The following LRRC37B variants were observed in gnomAD, a reference collection of about 807,000 sequenced individuals.
LRRC37B encodes leucine rich repeat containing 37B.
Under a neutral mutation model 98.3 loss-of-function variants are expected in LRRC37B, and 28 were observed. The observed-to-expected ratio is 0.28, with a 90% CI of 0.21 to 0.39. The LOEUF (loss-of-function observed/expected upper bound fraction) is 0.39, where lower values mean the gene tolerates loss of function less well. Ranked by LOEUF, LRRC37B falls within the 10% of genes least tolerant of loss-of-function variation. The pLI is 1.00. For synonymous variants in LRRC37B, 364 were observed against 442.7 expected (o/e 0.82, Z 2.23); for missense variants, 938 against 1,182.7 (o/e 0.79, Z 3.03).
At chr17:32,034,542 G>T (rs1299156377) in intron 5 of LRRC37B, among the ~76,000 whole-genome samples, 2 of 149,218 alleles carry the variant, frequency 1.3e-5, no homozygotes, top group African/African-American at 4.9e-5. Flanking sequence ...AATTATAGAT[G>T]AACAACTTGT....
intron 6 of LRRC37B, 130 bp from the exon 10 acceptor site, chr17:32,035,435 A>G: frequency 1.0e-6 from 1 of 983,950 alleles, no homozygotes; most frequent in Non-Finnish European, 1.5e-6. Flanking sequence ...TTTACGGCAA[A>G]TAAACTATTG....
exon 1 of LRRC37B, chr17:32,021,394 TGTC>T: frequency 6.2e-7 from 1 of 1,613,924 alleles, no homozygotes; most frequent in East Asian, 2.2e-5. Context: ...TCTTCGCAGA[TGTC>T]AGCCCTGCCT....
rs1598199542 is a variant in LRRC37B, at chr17:32,010,192, A to G, written c.-191+2060A>G. Among the ~76,000 whole-genome samples the G allele has an allele frequency of 2.0e-5, 3 of 152,306 alleles. No individual in the cohort carries two copies. The South Asian group carries it at 6.2e-4, about 32-fold the overall frequency. On this transcript the variant is annotated intron_variant, in intron 1 of 14. Transcript: ENST00000543378. ...CCAGATCTTGCCAGACTTTTTCTGT[A>G]AAAGGTCAGATAGTAAATATTCAGC...
At chr17:32,044,865 A>G (rs1911531577) in intron 7 of LRRC37B, among the ~76,000 whole-genome samples, 1 of 152,226 alleles carries the variant, frequency 6.6e-6, no homozygotes, top group Admixed American at 6.5e-5. Flanking sequence ...ACTTCAGCCT[A>G]GGTGACAGAC....
At chr17:32,031,799 T>C (rs1371967778) in intron 5 of LRRC37B, among the ~76,000 whole-genome samples, 1 of 150,788 alleles carries the variant, frequency 6.6e-6, no homozygotes, top group Non-Finnish European at 1.5e-5. Flanking sequence ...AGGTCAGGAG[T>C]TCAACACCAG....
At chr17:32,041,953 A>C in intron 7 of LRRC37B, 1 of 392,480 alleles carries the variant, frequency 2.5e-6, no homozygotes. Context: ...GCTTGGATCG[A>C]GTGTCCCTGT....
At chr17:32,027,563 G>A (rs192888054) in intron 2 of LRRC37B, among the ~76,000 whole-genome samples, 15 of 151,708 alleles carry the variant, frequency 9.9e-5, no homozygotes, top group Admixed American at 5.9e-4. Flanking sequence ...GTGTGTGTGC[G>A]CTTGCCTGTG....
intron 7 of LRRC37B, among the ~76,000 whole-genome samples, chr17:32,037,371 T>C (rs1911278204): frequency 6.6e-6 from 1 of 151,996 alleles, no homozygotes; most frequent in Non-Finnish European, 1.5e-5. Context: ...GTTCAAGTGA[T>C]TCTCCTCCCT....
exon 10 of LRRC37B, chr17:32,049,243 T>C: frequency 6.2e-7 from 1 of 1,613,194 alleles, no homozygotes; most frequent in Non-Finnish European, 8.5e-7. Context: ...TGTGCCAAGC[T>C]CATGTTGCGA....
chr17:32,013,368 G>A (rs1910579122), intron 1 of LRRC37B, among the ~76,000 whole-genome samples: 2 of 152,020 alleles, frequency 1.3e-5, no homozygotes, highest in Non-Finnish European at 2.9e-5. Flanking sequence ...TAATCTGACA[G>A]CATCTTTTAA....
chr17:32,040,953 A>G (rs1911408326), intron 7 of LRRC37B: 1 of 944,456 alleles, frequency 1.1e-6, no homozygotes, highest in South Asian at 1.3e-5. Flanking sequence ...GCAGGGCAAG[A>G]TCCCCGATGA....
At chr17:32,039,559 CTATA>C (rs1184050338) in intron 7 of LRRC37B, among the ~76,000 whole-genome samples, 2 of 85,034 alleles carry the variant, frequency 2.4e-5, no homozygotes, top group African/African-American at 9.3e-5. Flanking sequence ...TATATATATT[CTATA>C]TATATATTTC....
At chr17:32,021,478 C>T in exon 1 of LRRC37B, 2 of 1,614,158 alleles carry the variant, frequency 1.2e-6, no homozygotes, top group Non-Finnish European at 1.7e-6. Flanking sequence ...CCCCTGGGGC[C>T]AGAGCCGTTC....
upstream of LRRC37B, among the ~76,000 whole-genome samples, chr17:32,007,386 C>T (rs1187031634): frequency 6.6e-6 from 1 of 152,160 alleles, no homozygotes; most frequent in Non-Finnish European, 1.5e-5. The surrounding 1 kb of genome is among the most constrained non-coding windows in gnomAD (Gnocchi z 4.1). Flanking sequence ...CTCACGTGAC[C>T]GCGCTCCTGT....
exon 1 of LRRC37B, chr17:32,021,535 G>A (rs1485131606): frequency 1.2e-6 from 2 of 1,613,994 alleles, no homozygotes; most frequent in Admixed American, 3.3e-5. Flanking sequence ...CCAGAAGAAA[G>A]GCTCCCAGAG....
At chr17:32,027,058 A>G (rs1238616787) in intron 2 of LRRC37B, among the ~76,000 whole-genome samples, 1 of 151,684 alleles carries the variant, frequency 6.6e-6, no homozygotes, top group Admixed American at 6.6e-5. Flanking sequence ...TTAAATATAA[A>G]CAACATTTAT....
chr17:32,039,532 T>TA (rs1911360014), intron 7 of LRRC37B, among the ~76,000 whole-genome samples: 1 of 97,808 alleles, frequency 1.0e-5, no homozygotes, highest in Non-Finnish European at 2.0e-5. Context: ...ATGTATGTAT[T>TA]TTTATATATA....
exon 1 of LRRC37B, chr17:32,022,282 C>T: frequency 6.2e-7 from 1 of 1,613,966 alleles, no homozygotes; most frequent in Non-Finnish European, 8.5e-7. Flanking sequence ...GAGGCGGAAC[C>T]TTCTTCTACA....
intron 5 of LRRC37B, among the ~76,000 whole-genome samples, chr17:32,034,267 C>T (rs1377463242): frequency 1.3e-5 from 2 of 151,806 alleles, no homozygotes; most frequent in Non-Finnish European, 2.9e-5. Context: ...TTTGGTAGGC[C>T]GAGGGGGGTG....
Sources: allele counts gnomAD v4.1 joint callset (sites outside exome capture counted in the v4.1 genomes callset), GRCh38; gene constraint gnomAD v4.1.1; non-coding constraint Gnocchi (gnomAD v3.1); transcripts MANE v1.5; gene names NCBI Gene and HGNC (gene_info 2026-07-23, HGNC 2026-07-21).